The following DAB1 variants were observed in gnomAD, a reference collection of about 807,000 sequenced individuals.
DAB1 encodes DAB adaptor protein 1.
DAB1 carries 15 observed loss-of-function variants against 64.6 expected under a neutral mutation model. The ratio of observed to expected loss-of-function variants is 0.23; its 90% CI spans 0.16 to 0.36. The LOEUF is 0.36. DAB1 is among the 10% of genes least tolerant of loss of function. DAB1 has a pLI of 1.00. For missense variants in DAB1, 596 were observed against 706.7 expected (o/e 0.84, Z 1.78); for synonymous variants, 235 against 251.9 (o/e 0.93, Z 0.64).
chr1:57,458,253 A>G lies in DAB1; in HGVS notation n.626-167087T>C, dbSNP rs560659375. 7.2e-5 allele frequency among the ~76,000 whole-genome samples: 11 copies of G among 152,284 alleles called. No homozygotes were observed. In the South Asian group the frequency reaches 2.3e-3, roughly 32 times the overall value. ...GTTAAGTATTCTAAAACATTTCTATAGTAGTCCATTGTATCATGAACTATT... is the reference window on the plus strand; with the variant it reads ...GTTAAGTATTCTAAAACATTTCTATGGTAGTCCATTGTATCATGAACTATT... On this transcript the variant is annotated intron_variant and non_coding_transcript_variant, in intron 7 of 20. Transcript: ENST00000485760.
intron 7 of DAB1, among the ~76,000 whole-genome samples, chr1:57,525,947 T>G (rs1194804900): frequency 6.6e-6 from 1 of 151,678 alleles, no homozygotes; most frequent in Non-Finnish European, 1.5e-5. Context: ...TTCTTTTTTT[T>G]TTTTTTTTGA....
chr1:57,627,350 A>G (rs1262741728), intron 7 of DAB1, among the ~76,000 whole-genome samples: 1 of 152,202 alleles, frequency 6.6e-6, no homozygotes, highest in African/African-American at 2.4e-5. Context: ...CCAATTCTGT[A>G]TAATAAATCT....
intron 1 of DAB1, among the ~76,000 whole-genome samples, chr1:57,412,471 G>A (rs1684185507): frequency 6.6e-6 from 1 of 152,184 alleles, no homozygotes. Context: ...AACCCACTCT[G>A]TGCAGCTCAC....
intron 5 of DAB1, among the ~76,000 whole-genome samples, chr1:58,068,987 G>A (rs1289145238): frequency 6.6e-6 from 1 of 152,164 alleles, no homozygotes; most frequent in Non-Finnish European, 1.5e-5. Context: ...AGGGCTGGGT[G>A]TGCAGAGTCC....
rs565546882 is a variant in DAB1 at position 58,321,777 on chromosome 1, A to C, written n.309+21575T>G. Among the ~76,000 whole-genome samples the C allele has an allele frequency of 2.4e-3, 372 of 152,372 alleles. 2 individuals carry two copies. The highest frequency in any genetic ancestry group is 3.4e-3 in the Non-Finnish European group (233 of 68,032). On this transcript the variant is annotated intron_variant and non_coding_transcript_variant, in intron 4 of 20. Coordinates refer to the DAB1 transcript ENST00000485760. ...GGCTGGGGAAGCTCCAACTGGGCGG[A>C]GCCCACTGCAGCTCTGCAAGGCCTG...
intron 4 of DAB1, among the ~76,000 whole-genome samples, chr1:58,338,289 C>G (rs774257303): frequency 6.6e-6 from 1 of 152,156 alleles, no homozygotes; most frequent in Non-Finnish European, 1.5e-5. Context: ...CCTCCCTCCT[C>G]CTGCTCTCCC....
intron 4 of DAB1, among the ~76,000 whole-genome samples, chr1:57,101,768 A>C (rs1654704773): frequency 6.6e-6 from 1 of 152,230 alleles, no homozygotes; most frequent in Admixed American, 6.5e-5. Flanking sequence ...TTCAGTAAGC[A>C]CTTTCTATGT....
chr1:58,409,527 T>C (rs1045940137), intron 3 of DAB1, among the ~76,000 whole-genome samples: 2 of 152,198 alleles, frequency 1.3e-5, no homozygotes, highest in Non-Finnish European at 2.9e-5. Context: ...TGTTGTTATA[T>C]GCATCCAAAC....
intron 5 of DAB1, among the ~76,000 whole-genome samples, chr1:57,897,673 G>A (rs989668096): frequency 2.6e-5 from 4 of 152,122 alleles, no homozygotes; most frequent in African/African-American, 9.7e-5. Flanking sequence ...GCAAGGAAAC[G>A]CAGCTTGGGA....
At chr1:57,300,349 TCTCAGGAATGCAGAGGATAGGCACTGC>T (rs1346232698) in intron 1 of DAB1, among the ~76,000 whole-genome samples, 1 of 152,152 alleles carries the variant, frequency 6.6e-6, no homozygotes, top group Non-Finnish European at 1.5e-5. Flanking sequence ...ATCATAGGAT[TCTCAGGAATGCAGAGGATAGGCACTGC>T]CTCAACCTGG....
At chr1:58,480,844 T>C (rs1569858395) in intron 3 of DAB1, 2 of 638,212 alleles carry the variant, frequency 3.1e-6, no homozygotes, top group Non-Finnish European at 5.3e-6. Context: ...ATCTGTAATG[T>C]ACATGATTTG....
chr1:57,416,573 T>C (rs1210390862), intron 1 of DAB1, among the ~76,000 whole-genome samples: 1 of 152,178 alleles, frequency 6.6e-6, no homozygotes, highest in African/African-American at 2.4e-5. Flanking sequence ...CAATAAAACA[T>C]AGAAATGACT....
rs113645763 is a variant in DAB1, at chr1:57,589,289, A to G, written n.625+60303T>C. 2.6e-3 allele frequency among the ~76,000 whole-genome samples: 389 copies of G among 152,334 alleles called. 1 individual carries two copies. Among genetic ancestry groups the G allele is most frequent in the African/African-American group, 8.5e-3 (355 of 41,576 alleles). On this transcript the variant is annotated intron_variant and non_coding_transcript_variant, in intron 7 of 20. Transcript: ENST00000485760. ...AAAAAGAGAAACCAGAAAAGGAGAA[A>G]TTAATAAACTCAGTAATATTTAATT...
intron 5 of DAB1, among the ~76,000 whole-genome samples, chr1:57,908,206 G>C (rs980408249): frequency 6.6e-6 from 1 of 151,998 alleles, no homozygotes; most frequent in East Asian, 1.9e-4. Context: ...CCAGGGCCCA[G>C]GTCCCCAGAA....
At chr1:57,421,600 G>T (rs1367587333) in intron 1 of DAB1, among the ~76,000 whole-genome samples, 1 of 152,080 alleles carries the variant, frequency 6.6e-6, no homozygotes, top group Non-Finnish European at 1.5e-5. Flanking sequence ...TAGTTACAAA[G>T]TCAGTCCTTT....
chr1:57,690,118 T>C (rs973329578), intron 6 of DAB1, among the ~76,000 whole-genome samples: 4 of 152,156 alleles, frequency 2.6e-5, no homozygotes, highest in Non-Finnish European at 5.9e-5. Context: ...TAGTACTCCA[T>C]TGTGTAAAAG....
chr1:57,892,241 C>T (rs1644326412), intron 5 of DAB1, among the ~76,000 whole-genome samples: 1 of 152,168 alleles, frequency 6.6e-6, no homozygotes, highest in Non-Finnish European at 1.5e-5. Context: ...ACCTATCAAT[C>T]ACAGCGACTT....
At chr1:58,149,653 T>C (rs1654809639) in intron 5 of DAB1, among the ~76,000 whole-genome samples, 1 of 152,148 alleles carries the variant, frequency 6.6e-6, no homozygotes, top group South Asian at 2.1e-4. Flanking sequence ...AATCAACAAC[T>C]GAGTGTTGAA....
chr1:58,132,297 A>G (rs1175175455), intron 5 of DAB1, among the ~76,000 whole-genome samples: 3 of 152,090 alleles, frequency 2.0e-5, no homozygotes, highest in Non-Finnish European at 4.4e-5. Context: ...AAGTGAGGCA[A>G]TGCCTCACCC....
Sources: gnomAD v4.1 joint callset for allele counts (sites outside exome capture counted in the v4.1 genomes callset) on GRCh38, gnomAD v4.1.1 for gene constraint, MANE v1.5 for transcripts, NCBI Gene and HGNC (gene_info 2026-07-23, HGNC 2026-07-21) for gene names.